DMKN: variants seen among roughly 807,000 people sequenced by gnomAD.
DMKN encodes the protein dermokine, also known as epidermis-specific secreted protein SK30/SK89.
In DMKN, 58 loss-of-function variants were observed where a neutral mutation model predicts 67.6. The ratio of observed to expected loss-of-function variants is 0.86; its 90% confidence interval spans 0.69 to 1.07. The LOEUF is 1.07. Ranked by LOEUF, DMKN falls within the 50% of genes least tolerant of loss-of-function variation. DMKN has a pLI of 0.00. For synonymous variants in DMKN, 240 were observed against 232.3 expected, an observed-to-expected ratio of 1.03 and a Z score of -0.30; for missense variants, 596 against 601.5, an observed-to-expected ratio of 0.99 and a Z score of 0.10.
intron 9 of DMKN, among the ~76,000 whole-genome samples, chr19:35,504,438 G>A (rs1309523194): frequency 2.0e-5 from 3 of 152,018 alleles, no homozygotes; most frequent in African/African-American, 7.2e-5. Context: ...TTACCCGGGT[G>A]TGGTGGCGGG....
Position 35,513,275 on chromosome 19 carries a change from G to T in DMKN, c.201C>A (p.Val67=), listed in dbSNP as rs145540985. 4.0e-5 allele frequency: 65 copies of T among 1,613,932 alleles called. No individual in the cohort carries two copies. The African/African-American group carries it at 5.9e-4, about 15-fold the overall frequency. The change falls in exon 1 of 16, where the codon GTC becomes GTA. Residue 67 remains valine (V), a synonymous_variant. Transcript: ENST00000339686. ...KEAGGAAGSK[V]SEALGQGTRE... is the part of the protein sequence containing the mutation. Reference sequence around the variant, plus strand: ...TGGTCCCTTGGCCAAGGGCCTCACTGACTTTAGAGCCAGCTGCCCCTCCGG... The same window carrying T: ...TGGTCCCTTGGCCAAGGGCCTCACTTACTTTAGAGCCAGCTGCCCCTCCGG...
rs1048697294 is a variant in DMKN, at chr19:35,513,535, C to T, written c.-60G>A. On this transcript the variant is annotated 5_prime_UTR_variant, in exon 1 of 16. Transcript: ENST00000339686. ...CCTCCCACCAGGGTCTCCTCCTTGC[C>T]GCCCTTGCTCTGCGTCTCTGTGCCC... The T allele has an allele frequency of 3.3e-6, 5 of 1,534,598 alleles. No homozygotes were observed. In the African/African-American group the frequency reaches 4.1e-5, roughly 13 times the overall value.
chr19:35,501,767 GC>G, intron 11 of DMKN: 1 of 1,493,826 alleles, frequency 6.7e-7, no homozygotes, highest in South Asian at 1.3e-5. Flanking sequence ...CGCAGCCTAG[GC>G]CCCTTCTTCC....
At chr19:35,503,746 G>A (rs1019994865) in intron 9 of DMKN, among the ~76,000 whole-genome samples, 1 of 152,098 alleles carries the variant, frequency 6.6e-6, no homozygotes, top group African/African-American at 2.4e-5. Context: ...AAAGTGCTAG[G>A]ATTACAGGCA....
intron 13 of DMKN, chr19:35,499,130 T>A: frequency 1.6e-6 from 1 of 620,100 alleles, no homozygotes; most frequent in Non-Finnish European, 2.8e-6. Flanking sequence ...GGGCACGTAC[T>A]GACCAAGGGG....
At chr19:35,498,370 G>T (rs557232839) in intron 15 of DMKN, 21 of 272,432 alleles carry the variant, frequency 7.7e-5, no homozygotes, top group Admixed American at 2.5e-4. Context: ...TTTTGTTTTG[G>T]TTTGTTTTGT....
chr19:35,512,518 C>A (rs780056486), intron 2 of DMKN, 41 bp from the exon 3 acceptor site: 4 of 1,614,058 alleles, frequency 2.5e-6, no homozygotes, highest in Non-Finnish European at 8.5e-7. Context: ...CCAGAGGGAC[C>A]AGGGAGGCAC....
At chr19:35,510,381 T>TC in intron 5 of DMKN, 129 bp from the exon 6 acceptor site, 1 of 1,552,318 alleles carries the variant, frequency 6.4e-7, no homozygotes, top group Non-Finnish European at 8.7e-7. Flanking sequence ...CTCCAGACCT[T>TC]CCCCCTCTTT....
At position 35,501,867 on chromosome 19, in the gene DMKN, G is replaced by GGAGCA. The variant is rs1362177815; in HGVS notation, c.1239+264_1239+268dup. 13 of 1,586,898 alleles carry GGAGCA rather than the reference G, an allele frequency of 8.2e-6. No homozygotes were observed. In the South Asian group the frequency reaches 1.4e-4, roughly 17 times the overall value. On this transcript the variant is annotated intron_variant, in intron 11 of 15. Transcript: ENST00000339686. ...GTCCAGGCCAGGCCCAGCAGGAGCA[G>GGAGCA]GAGCAGAGCAGAGGCAGTGGCCGGC...
intron 7 of DMKN, chr19:35,507,542 T>C (rs1225065773): frequency 1.0e-5 from 16 of 1,549,164 alleles, no homozygotes; most frequent in African/African-American, 1.4e-5. Flanking sequence ...GAGGAGTTGA[T>C]GGGGAGGCAG....
Position 35,511,465 on chromosome 19 carries a change from GCCACCA to G in DMKN, c.858_863del (p.Gly287_Gly288del). On this transcript the variant is annotated inframe_deletion, in exon 5 of 16. Transcript: ENST00000339686. ...TGCTGCCACCACTGTTGCCACTGCTGCCACCACTGCTGCCGCCACTGCTGCCGCCAC... is the reference window on the plus strand; with the variant it reads ...TGCTGCCACCACTGTTGCCACTGCTGCTGCTGCCGCCACTGCTGCCGCCAC... 1.3e-5 allele frequency: 14 copies of G among 1,117,220 alleles called. No individual in the cohort carries two copies. The African/African-American group carries it at 1.4e-4, about 11-fold the overall frequency. 69.2% of individuals were successfully genotyped at this position (1,117,220 alleles called of 1,614,324 possible).
intron 11 of DMKN, among the ~76,000 whole-genome samples, chr19:35,501,118 C>T (rs528025647): frequency 2.0e-5 from 3 of 152,130 alleles, no homozygotes; most frequent in Non-Finnish European, 4.4e-5. Context: ...ACCGGACACC[C>T]CCCCCAGCCC....
intron 13 of DMKN, chr19:35,499,427 C>A: frequency 5.6e-6 from 1 of 177,238 alleles, no homozygotes; most frequent in Non-Finnish European, 1.2e-5. Context: ...TATGAGATTG[C>A]CTTCTTTGCA....
In DMKN at chr19:35,509,918, C is replaced by T. The variant is rs760329067; in HGVS notation, c.1031G>A (p.Gly344Glu). ...GNEARGSGES[G>E]IQNSETSPGM... is the part of the protein sequence containing the mutation. ...AGAGACTTTGGCTCTCACCTGAATC[C>T]CAGATTCCCCGCTCCCGCGGGCTTC... The change falls in exon 7 of 16, where the codon GGG becomes GAG. Residue 344 changes from glycine to glutamate, a missense_variant. By Grantham distance (98) the Gly-to-Glu change is moderately conservative. Coordinates refer to ENST00000339686, the MANE Select transcript of DMKN (RefSeq NM_033317.5). 1 of 1,614,220 alleles carries T rather than the reference C, an allele frequency of 6.2e-7. No individual in the cohort carries two copies. Among genetic ancestry groups the T allele is most frequent in the Non-Finnish European group, 8.5e-7 (1 of 1,180,036 alleles).
chr19:35,510,150 C>A (rs777654128), intron 6 of DMKN, 34 bp downstream of exon 6: 1 of 1,586,502 alleles, frequency 6.3e-7, no homozygotes, highest in Admixed American at 1.8e-5. Context: ...TTTTCCTTCC[C>A]GCGGTTGGTG....
chr19:35,503,395 C>T (rs1239103329), intron 9 of DMKN: 1 of 1,550,778 alleles, frequency 6.4e-7, no homozygotes, highest in Non-Finnish European at 8.7e-7. Context: ...GGCTCCCATC[C>T]AATCTGGTGG....
intron 12 of DMKN, 52 bp from the exon 13 acceptor site, chr19:35,500,081 G>C: frequency 6.3e-7 from 1 of 1,599,190 alleles, no homozygotes. Flanking sequence ...AGGCCATTTT[G>C]CTCTGGAATA....
At chr19:35,507,969 G>T (rs1441453894) in intron 7 of DMKN, 2 of 520,018 alleles carry the variant, frequency 3.8e-6, no homozygotes, top group Admixed American at 3.6e-5. Flanking sequence ...GGGCTGAGGC[G>T]GCATAGAGTA....
At chr19:35,508,093 G>T in intron 7 of DMKN, 2 of 1,382,186 alleles carry the variant, frequency 1.4e-6, no homozygotes, top group Non-Finnish European at 2.0e-6. Context: ...CTCTCAGGTA[G>T]ACCTGGCAGG....
Sources: allele counts gnomAD v4.1 joint callset (sites outside exome capture counted in the v4.1 genomes callset), GRCh38; gene constraint gnomAD v4.1.1; transcripts MANE v1.5; gene names NCBI Gene and HGNC (gene_info 2026-07-23, HGNC 2026-07-21).